OR3A2: variants seen among roughly 807,000 people sequenced by gnomAD.
OR3A2 encodes the protein olfactory receptor family 3 subfamily A member 2.
For missense variants in OR3A2, 318 were observed against 392.8 expected (o/e 0.81, Z 1.61); for synonymous variants, 126 against 159.3 (o/e 0.79, Z 1.57).
intron 2 of OR3A2, among the ~76,000 whole-genome samples, chr17:3,338,644 A>G (rs561549364): frequency 6.6e-6 from 1 of 152,250 alleles, no homozygotes; most frequent in African/African-American, 2.4e-5. Flanking sequence ...TTGTTTTGGT[A>G]CCAGTACCAT....
intron 2 of OR3A2, among the ~76,000 whole-genome samples, chr17:3,369,500 ATTTGTT>A (rs1323366545): frequency 6.6e-6 from 1 of 152,024 alleles, no homozygotes; most frequent in Non-Finnish European, 1.5e-5. Context: ...TGATCATAAG[ATTTGTT>A]TTTAATTGTT....
At chr17:3,368,717 G>C (rs947090668) in intron 2 of OR3A2, among the ~76,000 whole-genome samples, 1 of 152,116 alleles carries the variant, frequency 6.6e-6, no homozygotes, top group Non-Finnish European at 1.5e-5. Context: ...TGGCTATGCA[G>C]GCTCTTTTTT....
At position 3,349,322 on chromosome 17, in the gene OR3A2, A is replaced by C. The variant is rs534249594; in HGVS notation, c.-178-13196T>G. On this transcript the variant is annotated intron_variant, in intron 2 of 4. Coordinates refer to the OR3A2 transcript ENST00000573491. ...CAGAGACACACATAGACTCAAAATA[A>C]AAGGATGGAGGAAGATGTACCAAGC... 3.3e-5 allele frequency among the ~76,000 whole-genome samples: 5 copies of C among 152,316 alleles called. No homozygotes were observed. In the South Asian group the frequency reaches 1.0e-3, roughly 32 times the overall value.
At chr17:3,356,134 C>T (rs960957992) in intron 2 of OR3A2, among the ~76,000 whole-genome samples, 1 of 151,368 alleles carries the variant, frequency 6.6e-6, no homozygotes, top group Non-Finnish European at 1.5e-5. Context: ...AAATTCTACA[C>T]CTAAACTTCA....
intron 2 of OR3A2, among the ~76,000 whole-genome samples, chr17:3,338,110 T>G (rs1353531855): frequency 6.6e-6 from 1 of 152,254 alleles, no homozygotes; most frequent in Non-Finnish European, 1.5e-5. Flanking sequence ...TGCCCACTTT[T>G]TGATGGGGTT....
downstream of OR3A2, chr17:3,276,943 A>G (rs1164387741): frequency 8.1e-6 from 1 of 122,908 alleles, no homozygotes; most frequent in Non-Finnish European, 1.7e-5. Flanking sequence ...TTTTTTTTTG[A>G]GACGGAGTCT....
intron 2 of OR3A2, among the ~76,000 whole-genome samples, chr17:3,354,816 C>G (rs2049451273): frequency 6.6e-6 from 1 of 151,132 alleles, no homozygotes; most frequent in Non-Finnish European, 1.5e-5. Flanking sequence ...TAGGTTTGCT[C>G]TTGCTTTTCT....
intron 3 of OR3A2, among the ~76,000 whole-genome samples, chr17:3,299,734 C>T (rs2048947554): frequency 6.6e-6 from 1 of 152,190 alleles, no homozygotes; most frequent in African/African-American, 2.4e-5. Flanking sequence ...TACACTCACA[C>T]TTGCTTTTCC....
chr17:3,361,919 T>TGCTG (rs1404305506), intron 2 of OR3A2, among the ~76,000 whole-genome samples: 2 of 151,714 alleles, frequency 1.3e-5, no homozygotes, highest in Non-Finnish European at 2.9e-5. Flanking sequence ...ATCAGGATGA[T>TGCTG]GCTGGCCTCA....
At chr17:3,346,816 T>G (rs1010895371) in intron 2 of OR3A2, among the ~76,000 whole-genome samples, 1 of 152,202 alleles carries the variant, frequency 6.6e-6, no homozygotes, top group Non-Finnish European at 1.5e-5. Context: ...GCCTGGCTTA[T>G]TCACTCAATA....
intron 2 of OR3A2, among the ~76,000 whole-genome samples, chr17:3,355,430 C>T (rs1244694664): frequency 1.5e-3 from 2 of 1,344 alleles, no homozygotes; most frequent in South Asian, 0.037. Flanking sequence ...GTTGGCATTT[C>T]TCTCTCTCTC....
intron 2 of OR3A2, among the ~76,000 whole-genome samples, chr17:3,365,674 G>T (rs749791926): frequency 2.6e-5 from 4 of 152,202 alleles, no homozygotes; most frequent in Non-Finnish European, 5.9e-5. Context: ...TACTGCAGCA[G>T]GGAAGAGAGG....
chr17:3,336,033 C>T lies in OR3A2; in HGVS notation c.-85G>A, dbSNP rs139552999. The T allele has an allele frequency of 5.9e-5, 9 of 152,452 alleles. No individual in the cohort carries two copies. Among genetic ancestry groups the T allele is most frequent in the Admixed American group, 2.0e-4 (3 of 15,298 alleles). The allele number at this position is 152,452 out of a possible 1,614,324, so 9.4% of individuals were successfully genotyped here. A position where few individuals can be genotyped will look rare whatever the true frequency, so the allele number is the denominator to read the frequency against. On this transcript the variant is annotated splice_region_variant and 5_prime_UTR_variant, in exon 3 of 5. It removes an upstream start codon present in the reference 5' UTR. Coordinates refer to the OR3A2 transcript ENST00000573491. ...AACTGGCAAATGCAAACTTACAAAC[C>T]ATTCCTGCCGGAACACGCAGAGCCC...
upstream of OR3A2, among the ~76,000 whole-genome samples, chr17:3,287,825 T>C (rs1002082634): frequency 4.6e-5 from 7 of 151,636 alleles, no homozygotes; most frequent in African/African-American, 1.7e-4. Flanking sequence ...TTTTCTATTA[T>C]ATATATATAA....
intron 1 of OR3A2, 138 bp downstream of exon 3, chr17:3,284,220 G>A (rs112573307): frequency 6.7e-5 from 10 of 150,106 alleles, no homozygotes; most frequent in African/African-American, 1.2e-4. Context: ...CAGGACCTCC[G>A]GGCTGTAGTG....
intron 2 of OR3A2, among the ~76,000 whole-genome samples, chr17:3,358,878 G>C (rs1304521527): frequency 1.3e-5 from 2 of 151,626 alleles, no homozygotes; most frequent in Admixed American, 6.6e-5. Flanking sequence ...TGTCAGTGGA[G>C]TGTTGAAGAG....
At chr17:3,288,934 T>C (rs926400600), upstream of OR3A2, among the ~76,000 whole-genome samples, 2 of 152,142 alleles carry the variant, frequency 1.3e-5, no homozygotes, top group East Asian at 1.9e-4. Flanking sequence ...ATTACATCAA[T>C]GGGGTGTGGT....
At chr17:3,280,526 C>T (rs1421937068) in intron 1 of OR3A2, among the ~76,000 whole-genome samples, 2 of 152,206 alleles carry the variant, frequency 1.3e-5, no homozygotes, top group Non-Finnish European at 2.9e-5. Context: ...CCCGCCTCGG[C>T]CTCCCAAAGT....
At position 3,340,457 on chromosome 17, in the gene OR3A2, G is replaced by A. The variant is rs553344963; in HGVS notation, c.-178-4331C>T. On this transcript the variant is annotated intron_variant, in intron 2 of 4. Transcript: ENST00000573491. ...GCTTTAAATGTGTCCCAGAGATTCT[G>A]GTACGTTGTGTCTTTGTTCTCATTG... is the stretch of plus-strand genomic sequence containing the variant. Among the ~76,000 whole-genome samples the A allele has an allele frequency of 8.6e-4, 131 of 152,242 alleles. 1 individual carries two copies. In the Middle Eastern group the frequency reaches 0.01, roughly 12 times the overall value.
Sources: gnomAD v4.1 joint callset for allele counts (sites outside exome capture counted in the v4.1 genomes callset) on GRCh38, gnomAD v4.1.1 for gene constraint, MANE v1.5 for transcripts, NCBI Gene and HGNC (gene_info 2026-07-23, HGNC 2026-07-21) for gene names.